MTAP: variants seen among roughly 807,000 people sequenced by gnomAD.
MTAP encodes the protein methylthioadenosine phosphorylase.
In MTAP, 33 loss-of-function variants were observed where a neutral mutation model predicts 33.6. The ratio of observed to expected loss-of-function variants is 0.98; its 90% CI spans 0.74 to 1.31. The LOEUF is 1.31. MTAP is among the 40% of genes most tolerant of loss of function. The pLI is 0.00. For synonymous variants in MTAP, 148 were observed against 125.7 expected (o/e 1.18, Z -1.19); for missense variants, 367 against 360.0 (o/e 1.02, Z -0.16).
intron 1 of MTAP, among the ~76,000 whole-genome samples, chr9:21,880,583 A>T (rs1817989884): frequency 6.6e-6 from 1 of 152,042 alleles, no homozygotes; most frequent in Non-Finnish European, 1.5e-5. Flanking sequence ...TATATACAAA[A>T]CTCAACTGTA....
chr9:21,867,132 C>G (rs1825865002), downstream of MTAP: 1 of 152,064 alleles, frequency 6.6e-6, no homozygotes, highest in East Asian at 1.9e-4. Flanking sequence ...ACCTTGTGTA[C>G]ACAATCATGT....
chr9:21,828,567 C>G (rs1167990842), intron 4 of MTAP, among the ~76,000 whole-genome samples: 1 of 151,914 alleles, frequency 6.6e-6, no homozygotes, highest in Non-Finnish European at 1.5e-5. Context: ...CCCAGCTACT[C>G]GGAAGGCTGA....
chr9:21,823,936 G>A (rs1031502529), intron 4 of MTAP, among the ~76,000 whole-genome samples: 3 of 152,134 alleles, frequency 2.0e-5, no homozygotes, highest in Non-Finnish European at 2.9e-5. Context: ...CGTAGTTCTC[G>A]TACTATGGTT....
chr9:21,825,732 T>C (rs1469733101), intron 4 of MTAP, among the ~76,000 whole-genome samples: 1 of 152,168 alleles, frequency 6.6e-6, no homozygotes, highest in East Asian at 1.9e-4. Flanking sequence ...TCCCAGATAC[T>C]TAAGAGACTG....
At chr9:21,804,804 C>A (rs904155605) in intron 1 of MTAP, among the ~76,000 whole-genome samples, 6 of 152,204 alleles carry the variant, frequency 3.9e-5, no homozygotes, top group Non-Finnish European at 7.3e-5. Context: ...GAAAGGTCAG[C>A]TAAGTATCCA....
At chr9:21,894,094 A>G (rs1282266759) in intron 1 of MTAP, among the ~76,000 whole-genome samples, 5 of 152,078 alleles carry the variant, frequency 3.3e-5, no homozygotes, top group Admixed American at 6.6e-5. Flanking sequence ...GGTTGGTTCA[A>G]TGTACACAAA....
At chr9:21,846,004 A>G (rs995147944) in intron 5 of MTAP, among the ~76,000 whole-genome samples, 3 of 152,222 alleles carry the variant, frequency 2.0e-5, no homozygotes, top group Non-Finnish European at 2.9e-5. Flanking sequence ...AAACAAAAAC[A>G]TACACTGAGG....
intron 4 of MTAP, 54 bp downstream of exon 4, chr9:21,818,256 A>G (rs1824533808): frequency 2.5e-6 from 4 of 1,570,510 alleles, no homozygotes; most frequent in Admixed American, 3.5e-5. Context: ...TTTTCAGCTC[A>G]AATGGACGAC....
intron 4 of MTAP, among the ~76,000 whole-genome samples, chr9:21,825,870 A>G (rs1471621704): frequency 6.6e-6 from 1 of 152,056 alleles, no homozygotes; most frequent in Admixed American, 6.6e-5. Context: ...TGTGGTTTTT[A>G]TTTGCATTTT....
At chr9:21,836,355 TA>T (rs1825105708) in intron 4 of MTAP, among the ~76,000 whole-genome samples, 1 of 152,132 alleles carries the variant, frequency 6.6e-6, no homozygotes, top group South Asian at 2.1e-4. Context: ...AAATACATGT[TA>T]TTCTTAAGGT....
At chr9:21,909,687 A>G (rs530778877) in intron 1 of MTAP, among the ~76,000 whole-genome samples, 1 of 152,306 alleles carries the variant, frequency 6.6e-6, no homozygotes, top group South Asian at 2.1e-4. Flanking sequence ...GGTAAGTATT[A>G]AAATAACTGT....
At chr9:21,924,396 C>T (rs770628351) in intron 1 of MTAP, among the ~76,000 whole-genome samples, 2 of 152,170 alleles carry the variant, frequency 1.3e-5, no homozygotes, top group African/African-American at 2.4e-5. Context: ...TTAATACAAG[C>T]TCCAGGAGCA....
At chr9:21,921,417 T>G (rs1818785419) in intron 1 of MTAP, among the ~76,000 whole-genome samples, 1 of 152,226 alleles carries the variant, frequency 6.6e-6, no homozygotes, top group Non-Finnish European at 1.5e-5. Context: ...TTATTATTTC[T>G]TTCTTTCTAC....
At chr9:21,940,345 G>A (rs774004657), downstream of MTAP, among the ~76,000 whole-genome samples, 26 of 152,110 alleles carry the variant, frequency 1.7e-4, no homozygotes, top group Non-Finnish European at 3.2e-4. Context: ...CAAGTGTAAC[G>A]GGACTAGGCC....
chr9:21,812,514 T>G (rs1291247515), intron 1 of MTAP, among the ~76,000 whole-genome samples: 1 of 152,226 alleles, frequency 6.6e-6, no homozygotes, highest in Non-Finnish European at 1.5e-5. Context: ...AAATTCCATC[T>G]CAGGTCTTGA....
At chr9:21,928,312 T>G (rs1044279882) in intron 1 of MTAP, among the ~76,000 whole-genome samples, 2 of 152,194 alleles carry the variant, frequency 1.3e-5, no homozygotes, top group African/African-American at 4.8e-5. Context: ...TCAATAGGTT[T>G]GTCAAGCCTG....
chr9:21,912,009 G>C (rs1386857945), intron 1 of MTAP, among the ~76,000 whole-genome samples: 1 of 152,090 alleles, frequency 6.6e-6, no homozygotes, highest in Non-Finnish European at 1.5e-5. Context: ...ACACCTCTAC[G>C]CAAATAAACT....
At chr9:21,803,335 A>C in intron 1 of MTAP, 2 of 170,372 alleles carry the variant, frequency 1.2e-5, no homozygotes, top group Non-Finnish European at 2.5e-5. Context: ...TTTTCCTCCA[A>C]ACGTAGGCCT....
intron 1 of MTAP, among the ~76,000 whole-genome samples, chr9:21,879,165 G>A (rs1331931877): frequency 7.2e-5 from 11 of 152,020 alleles, no homozygotes; most frequent in Non-Finnish European, 1.5e-4. Context: ...GAAGTCTCTC[G>A]CTAGTATTGT....
Sources: allele counts gnomAD v4.1 joint callset (sites outside exome capture counted in the v4.1 genomes callset), GRCh38; gene constraint gnomAD v4.1.1; transcripts MANE v1.5; gene names NCBI Gene and HGNC (gene_info 2026-07-23, HGNC 2026-07-21).